The following ANGPTL4 variants were observed in gnomAD, a reference collection of about 807,000 sequenced individuals.
The protein encoded by ANGPTL4 is angiopoietin like 4.
Under a neutral mutation model 39.2 loss-of-function variants are expected in ANGPTL4, and 39 were observed. The observed-to-expected ratio is 1.00, with a 90% CI of 0.77 to 1.30. The LOEUF is 1.30. Ranked by LOEUF, ANGPTL4 falls within the 50% of genes most tolerant of loss-of-function variation. ANGPTL4 has a pLI of 0.00. For missense variants in ANGPTL4, 545 were observed against 549.8 expected, an observed-to-expected ratio of 0.99 and a Z score of 0.09; for synonymous variants, 233 against 229.5, an observed-to-expected ratio of 1.02 and a Z score of -0.14.
In ANGPTL4 at chr19:8,366,018, G is replaced by A. The variant is rs749378028; in HGVS notation, c.383G>A (p.Arg128Gln). The A allele has an allele frequency of 6.8e-6, 11 of 1,613,952 alleles. No individual in the cohort carries two copies. In the Middle Eastern group the frequency reaches 6.6e-4, roughly 96 times the overall value. ...TTCCACAAGGTGGCCCAGCAGCAGC[G>A]GCACCTGGAGAAGCAGCACCTGCGA... ...QLFHKVAQQQ[R>Q]HLEKQHLRIQ... The change falls in exon 2 of 7, where the codon CGG becomes CAG. Residue 128 changes from arginine (R) to glutamine (Q), a missense_variant. Physicochemically the swap from Arg to Gln is conservative, Grantham distance 43 (BLOSUM62 1). Coordinates refer to ENST00000301455, the MANE Select transcript of ANGPTL4 (RefSeq NM_139314.3).
At position 8,366,143 on chromosome 19, in the gene ANGPTL4, G is replaced by A. The variant is rs73925320; in HGVS notation, c.430-59G>A. On this transcript the variant is annotated intron_variant, in intron 2 of 6. Coordinates refer to ENST00000301455, the MANE Select transcript of ANGPTL4 (RefSeq NM_139314.3). Reference sequence around the variant, plus strand: ...GAGAGGGAGGTGGTGAGAACTGGACGTGTGGCTGGGGACGTGGGGCCAGGC... The same window carrying A: ...GAGAGGGAGGTGGTGAGAACTGGACATGTGGCTGGGGACGTGGGGCCAGGC... The A allele has an allele frequency of 7.3e-4, 1,178 of 1,608,922 alleles. 4 individuals are homozygous for A. The African/African-American group carries it at 0.012, about 17-fold the overall frequency.
In ANGPTL4 at chr19:8,373,756, TC is replaced by T; in HGVS notation, c.1093del (p.Arg365AlafsTer32). On this transcript the variant is annotated frameshift_variant, in exon 7 of 7. Transcript: ENST00000301455. LOFTEE classifies it low-confidence loss of function (END_TRUNC). ...CSHSNLNGQY[F>X]RSIPQQRQKL... ...CATTCCAACCTCAACGGCCAGTACT[TC>T]CGCTCCATCCCACAGCAGCGGCAGA... 6.2e-7 allele frequency: 1 copy of T among 1,614,000 alleles called. No homozygotes were observed. Among genetic ancestry groups the T allele is most frequent in the Non-Finnish European group, 8.5e-7 (1 of 1,180,028 alleles).
In ANGPTL4 at chr19:8,369,217, A is replaced by G. The variant is rs1971065726; in HGVS notation, c.548-2A>G. 6.2e-7 allele frequency: 1 copy of G among 1,609,138 alleles called. No homozygotes were observed. The highest frequency in any genetic ancestry group is 8.5e-7 in the Non-Finnish European group (1 of 1,178,962). On this transcript the variant is annotated splice_acceptor_variant, in intron 3 of 6. Coordinates refer to ENST00000301455, the MANE Select transcript of ANGPTL4 (RefSeq NM_139314.3). LOFTEE classifies it high-confidence loss of function. ...TCAAGTCTCCACTTTATCTCCCTTC[A>G]GGGCTGCCCAGGGATTGCCAGGAGC...
At chr19:8,368,238 T>C (rs1971046039) in intron 3 of ANGPTL4, among the ~76,000 whole-genome samples, 1 of 152,076 alleles carries the variant, frequency 6.6e-6, no homozygotes, top group South Asian at 2.1e-4. Flanking sequence ...CAGGCTGGTC[T>C]CAAACTCCTG....
intron 1 of ANGPTL4, among the ~76,000 whole-genome samples, chr19:8,365,751 G>T (rs1350109888): frequency 6.6e-6 from 1 of 152,092 alleles, no homozygotes; most frequent in Non-Finnish European, 1.5e-5. Context: ...CCAGGAGTTG[G>T]AGGCTGCAGT....
In ANGPTL4 at chr19:8,369,035, T is replaced by C. The variant is rs953567467; in HGVS notation, c.548-184T>C. Among the ~76,000 whole-genome samples, 36 of 152,114 alleles carry C rather than the reference T, an allele frequency of 2.4e-4. 1 individual carries two copies. Among genetic ancestry groups the C allele is most frequent in the African/African-American group, 8.7e-4 (36 of 41,436 alleles). ...GGTCCTCCAGGTGCCTTGTGGACCA[T>C]GCTGAGGAAGGACATAGGGAGCCAT... On this transcript the variant is annotated intron_variant, in intron 3 of 6. Coordinates refer to ENST00000301455, the MANE Select transcript of ANGPTL4 (RefSeq NM_139314.3).
chr19:8,372,341 G>A (rs1054765613), intron 6 of ANGPTL4, among the ~76,000 whole-genome samples: 3 of 151,690 alleles, frequency 2.0e-5, no homozygotes, highest in Non-Finnish European at 4.4e-5. Flanking sequence ...TTACAGGCGT[G>A]AGCCACAATA....
chr19:8,371,363 G>A lies in ANGPTL4; in HGVS notation c.880G>A (p.Gly294Ser). ...AELLQFSVHLGGEDTAYSLQL... is the reference protein window; with the variant it reads ...AELLQFSVHLSGEDTAYSLQL... ...GTTGCTGCAGTTCTCCGTGCACCTG[G>A]GTGGCGAGGACACGGCCTATAGCCT... is the stretch of plus-strand genomic sequence containing the variant. Residue 294 changes from glycine to serine, a missense_variant, in exon 6 of 7, where the codon GGT becomes AGT. Physicochemically the swap from Gly to Ser is moderately conservative, Grantham distance 56. Coordinates refer to ENST00000301455, the MANE Select transcript of ANGPTL4 (RefSeq NM_139314.3). The surrounding 1 kb of genome is among the most constrained non-coding windows in gnomAD (Gnocchi z 5.1). 6.2e-7 allele frequency: 1 copy of A among 1,613,676 alleles called. No individual in the cohort carries two copies.
Position 8,364,287 on chromosome 19 carries a change from G to A in ANGPTL4, c.-35G>A. ...ACCTGGAACCCCAACGTCCCCGAGAGTCCCCGAATCCCCGCTCCCAGGCTA... is the reference window on the plus strand; with the variant it reads ...ACCTGGAACCCCAACGTCCCCGAGAATCCCCGAATCCCCGCTCCCAGGCTA... On this transcript the variant is annotated 5_prime_UTR_variant, in exon 1 of 7. Coordinates refer to ENST00000301455, the MANE Select transcript of ANGPTL4 (RefSeq NM_139314.3). 3 of 1,528,396 alleles carry A rather than the reference G, an allele frequency of 2.0e-6. No homozygotes were observed. Among genetic ancestry groups the A allele is most frequent in the Non-Finnish European group, 2.6e-6 (3 of 1,140,804 alleles). 94.7% of individuals were successfully genotyped at this position (1,528,396 alleles called of 1,614,324 possible). A position where few individuals can be genotyped will look rare whatever the true frequency, so the allele number is the denominator to read the frequency against.
At chr19:8,368,003 A>T (rs1971040507) in intron 3 of ANGPTL4, among the ~76,000 whole-genome samples, 1 of 141,448 alleles carries the variant, frequency 7.1e-6, no homozygotes, top group African/African-American at 2.7e-5. Context: ...CGCCCAGCTA[A>T]TTTTTATTCA....
intron 1 of ANGPTL4, 60 bp downstream of exon 1, chr19:8,364,699 A>G (rs1480862183): frequency 6.5e-7 from 1 of 1,543,758 alleles, no homozygotes; most frequent in East Asian, 2.4e-5. Context: ...TTGGAAGGGT[A>G]TGGACAGGAG....
chr19:8,371,250 G>T lies in ANGPTL4; in HGVS notation c.767G>T (p.Trp256Leu), dbSNP rs1435712112. ...GCCTCTCCCACTCCAGGCGAGTTCT[G>T]GCTGGGTCTGGAGAAGGTGCATAGC... is the stretch of plus-strand genomic sequence containing the variant. ...AGFGDPHGEF[W>L]LGLEKVHSIT... The change falls in exon 6 of 7, where the codon TGG becomes TTG. Residue 256 changes from tryptophan to leucine, a missense_variant. Trp to Leu is a moderately conservative substitution (Grantham distance 61). Transcript: ENST00000301455. This position sits in a 1 kb window ranked among gnomAD's most constrained non-coding sequence, Gnocchi z 5.1. 6.2e-7 allele frequency: 1 copy of T among 1,613,940 alleles called. No individual in the cohort carries two copies. Among genetic ancestry groups the T allele is most frequent in the Non-Finnish European group, 8.5e-7 (1 of 1,180,046 alleles).
In ANGPTL4 at chr19:8,366,070, C is replaced by A; in HGVS notation, c.429+6C>A. The A allele has an allele frequency of 5.6e-6, 9 of 1,613,820 alleles. No individual in the cohort carries two copies. The highest frequency in any genetic ancestry group is 7.6e-6 in the Non-Finnish European group (9 of 1,179,794). On this transcript the variant is annotated splice_donor_region_variant and intron_variant, in intron 2 of 6. Transcript: ENST00000301455. ...TTCAGCATCTGCAAAGCCAGGTAAC[C>A]CTAGGATCAAGGGAGAAAAGGTCCC...
intron 4 of ANGPTL4, among the ~76,000 whole-genome samples, 183 bp from the exon 5 acceptor site, chr19:8,370,873 T>A (rs939327583): frequency 6.6e-6 from 1 of 152,126 alleles, no homozygotes; most frequent in Non-Finnish European, 1.5e-5. Context: ...GGGACAAAGA[T>A]CTTCCCAAGG....
rs139998264 is a variant in ANGPTL4, at chr19:8,371,405, G to A, written c.922G>A (p.Val308Met). 1,159 of 1,613,436 alleles carry A rather than the reference G, an allele frequency of 7.2e-4. No individual in the cohort carries two copies. The highest frequency in any genetic ancestry group is 1.3e-3 in the East Asian group (58 of 44,874). The change falls in exon 6 of 7, where the codon GTG becomes ATG. Residue 308 changes from valine (V) to methionine (M), a missense_variant. By Grantham distance (21) the Val-to-Met change is conservative. Coordinates refer to ENST00000301455, the MANE Select transcript of ANGPTL4 (RefSeq NM_139314.3). This position sits in a 1 kb window ranked among gnomAD's most constrained non-coding sequence, Gnocchi z 5.1. ...TAYSLQLTAP[V>M]AGQLGATTVP... is the part of the protein sequence containing the mutation. Reference sequence around the variant, plus strand: ...CTATAGCCTGCAGCTCACTGCACCCGTGGCCGGCCAGCTGGGCGCCACCAC... The same window carrying A: ...CTATAGCCTGCAGCTCACTGCACCCATGGCCGGCCAGCTGGGCGCCACCAC...
At chr19:8,369,176 G>C in intron 3 of ANGPTL4, 43 bp from the exon 4 acceptor site, 1 of 1,549,546 alleles carries the variant, frequency 6.5e-7, no homozygotes, top group Non-Finnish European at 8.8e-7. Context: ...CCCCCCCCAG[G>C]GGCTGCCCTC....
In ANGPTL4 at chr19:8,371,743, GTTTA is replaced by G. The variant is rs144513924; in HGVS notation, c.1039+235_1039+238del. On this transcript the variant is annotated intron_variant, in intron 6 of 6. Coordinates refer to ENST00000301455, the MANE Select transcript of ANGPTL4 (RefSeq NM_139314.3). This position sits in a 1 kb window ranked among gnomAD's most constrained non-coding sequence, Gnocchi z 5.1. ...TTTACTTTTATTTACTTATGTGTTT[GTTTA>G]TTTATTTATTTATGTATTTATTTTT... is the stretch of plus-strand genomic sequence containing the variant. 0.028 allele frequency among the ~76,000 whole-genome samples: 4,255 copies of G among 152,082 alleles called. 65 individuals carry two copies. Among genetic ancestry groups the G allele is most frequent in the African/African-American group, 0.039 (1,608 of 41,506 alleles).
At chr19:8,372,126 G>A (rs533285976) in intron 6 of ANGPTL4, among the ~76,000 whole-genome samples, 119 of 151,972 alleles carry the variant, frequency 7.8e-4, no homozygotes, top group African/African-American at 2.7e-3. Context: ...ACGTGATCTT[G>A]GCTCACTGCA....
intron 4 of ANGPTL4, 102 bp downstream of exon 4, chr19:8,369,434 T>A: frequency 1.1e-6 from 1 of 870,614 alleles, no homozygotes; most frequent in Non-Finnish European, 1.8e-6. Flanking sequence ...GGCAGGGTCT[T>A]GCTATGTTGC....
Sources: allele counts gnomAD v4.1 joint callset (sites outside exome capture counted in the v4.1 genomes callset), GRCh38; gene constraint gnomAD v4.1.1; non-coding constraint Gnocchi (gnomAD v3.1); transcripts MANE v1.5; gene names NCBI Gene and HGNC (gene_info 2026-07-23, HGNC 2026-07-21).